The following ARFGEF1 variants were observed in gnomAD, a reference collection of about 807,000 sequenced individuals.
The protein encoded by ARFGEF1 is ARF guanine nucleotide exchange factor 1.
A neutral mutation model predicts 231.0 loss-of-function variants in ARFGEF1; 42 were observed. The observed-to-expected ratio is 0.18, with a 90% CI of 0.14 to 0.24. The LOEUF is 0.24. ARFGEF1 is among the 10% of genes least tolerant of loss of function. The pLI is 1.00. For synonymous variants in ARFGEF1, 710 were observed against 732.3 expected (o/e 0.97, Z 0.49); for missense variants, 1,345 against 2,192.0 (o/e 0.61, Z 7.72).
intron 22 of ARFGEF1, among the ~76,000 whole-genome samples, chr8:67,237,962 T>C (rs1356520219): frequency 6.6e-6 from 1 of 152,222 alleles, no homozygotes. Flanking sequence ...AGAGGTTTCA[T>C]ACTGGCAGAA....
chr8:67,281,258 G>A (rs1805523364), intron 7 of ARFGEF1, among the ~76,000 whole-genome samples: 1 of 152,074 alleles, frequency 6.6e-6, no homozygotes, highest in African/African-American at 2.4e-5. Flanking sequence ...TGTATAGTGT[G>A]AGATGTGGAA....
At chr8:67,175,357 C>T (rs1249433817), downstream of ARFGEF1, 2 of 1,613,812 alleles carry the variant, frequency 1.2e-6, no homozygotes, top group African/African-American at 1.3e-5. Flanking sequence ...ATCATCACAC[C>T]TTAGAGATTC....
chr8:67,333,261 C>T (rs1808186966), intron 1 of ARFGEF1, among the ~76,000 whole-genome samples: 1 of 151,740 alleles, frequency 6.6e-6, no homozygotes, highest in South Asian at 2.1e-4. Context: ...TCTCGATCTC[C>T]TGACCTTGTG....
Position 67,197,817 on chromosome 8 carries a change from T to A in ARFGEF1, c.*1117A>T. On this transcript the variant is annotated 3_prime_UTR_variant, in exon 39 of 39. Coordinates refer to ENST00000262215, the MANE Select transcript of ARFGEF1 (RefSeq NM_006421.5). ...ATACATTTTGTCCATCTGAAAAAAT[T>A]TTCTACATCCACTGTTAATACGGAA... 1 of 985,882 alleles carries A rather than the reference T, an allele frequency of 1.0e-6. No homozygotes were observed. Among genetic ancestry groups the A allele is most frequent in the Non-Finnish European group, 1.2e-6 (1 of 829,940 alleles). The allele number at this position is 985,882 out of a possible 1,614,324, so 61.1% of individuals were successfully genotyped here.
downstream of ARFGEF1, chr8:67,175,484 TC>T: frequency 6.2e-7 from 1 of 1,605,876 alleles, no homozygotes; most frequent in Non-Finnish European, 8.5e-7. Context: ...ACGCTGTTTT[TC>T]CGTAGGCTTT....
At position 67,266,072 on chromosome 8, in the gene ARFGEF1, G is replaced by A. The variant is rs1804837862; in HGVS notation, c.2057C>T (p.Thr686Ile). Residue 686 changes from threonine (T) to isoleucine (I), a missense_variant, in exon 14 of 39, where the codon ACT (threonine) becomes ATT (isoleucine). Physicochemically the swap from Thr to Ile is moderately conservative, Grantham distance 89. This residue lies in a region of ARFGEF1 where 105 missense variants were observed against 159.3 expected (regional missense o/e 0.66). Coordinates refer to ENST00000262215, the MANE Select transcript of ARFGEF1 (RefSeq NM_006421.5). Reference sequence around the variant, plus strand: ...GACCTCAAATTGTTCTGGATTATCAGTGCCAGACATCTGTGTACTGTAGCT... The same window carrying A: ...GACCTCAAATTGTTCTGGATTATCAATGCCAGACATCTGTGTACTGTAGCT... ...IGSYSTQMSG[T>I]DNPEQFEVLK... 6.2e-6 allele frequency: 10 copies of A among 1,613,818 alleles called. No individual in the cohort carries two copies. Among genetic ancestry groups the A allele is most frequent in the Non-Finnish European group, 8.5e-6 (10 of 1,179,866 alleles).
Position 67,296,532 on chromosome 8 carries a change from T to C in ARFGEF1, c.538A>G (p.Asn180Asp). The change falls in exon 5 of 39, where the codon AAT (asparagine) becomes GAT (aspartate). Residue 180 changes from asparagine (N) to aspartate (D), a missense_variant. By Grantham distance (23) the Asn-to-Asp change is conservative (BLOSUM62 1). Coordinates refer to ENST00000262215, the MANE Select transcript of ARFGEF1 (RefSeq NM_006421.5). Reference sequence around the variant, plus strand: ...AGATTTTTGCTTGCTAAGTAGATATTGTAACATGTTCTCACAGCTTGCAGT... The same window carrying C: ...AGATTTTTGCTTGCTAAGTAGATATCGTAACATGTTCTCACAGCTTGCAGT... ...TVLQAVRTCY[N>D]IYLASKNLIN... 1 of 1,614,066 alleles carries C rather than the reference T, an allele frequency of 6.2e-7. No individual in the cohort carries two copies. The highest frequency in any genetic ancestry group is 8.5e-7 in the Non-Finnish European group (1 of 1,179,972).
At chr8:67,244,253 A>AC (rs1840026500) in intron 19 of ARFGEF1, among the ~76,000 whole-genome samples, 2 of 26,378 alleles carry the variant, frequency 7.6e-5, no homozygotes, top group Non-Finnish European at 1.3e-4. Context: ...AAAAAAAAAA[A>AC]AAAAAAAAAA....
intron 8 of ARFGEF1, among the ~76,000 whole-genome samples, chr8:67,277,073 T>G (rs910814226): frequency 6.6e-6 from 1 of 152,004 alleles, no homozygotes; most frequent in African/African-American, 2.4e-5. Context: ...TACCTTAAAG[T>G]TGGAAATGTA....
At chr8:67,258,838 C>CACACACACACACAT (rs1041455909) in intron 15 of ARFGEF1, among the ~76,000 whole-genome samples, 3 of 151,896 alleles carry the variant, frequency 2.0e-5, no homozygotes, top group African/African-American at 7.3e-5. Flanking sequence ...CACACACACA[C>CACACACACACACAT]ACACACACAC....
intron 1 of ARFGEF1, among the ~76,000 whole-genome samples, chr8:67,328,447 CAGA>C (rs1807941916): frequency 6.8e-6 from 1 of 148,148 alleles, no homozygotes; most frequent in African/African-American, 2.5e-5. Context: ...TTTTTTAGTG[CAGA>C]AGTTTTCTCC....
chr8:67,177,125 A>G (rs1389329389), intron 5 of ARFGEF1, among the ~76,000 whole-genome samples: 2 of 151,844 alleles, frequency 1.3e-5, no homozygotes, highest in African/African-American at 4.8e-5. Context: ...AATCACAAAC[A>G]TGTCTATTAA....
chr8:67,343,301 G>T lies in ARFGEF1; in HGVS notation c.-14C>A. The stretch of plus-strand genomic sequence containing the variant: ...CCCCTCATACATGGACGCAGAGAAG[G>T]AGGCGGCGGCTCGTCCGACCCGCGG... On this transcript the variant is annotated 5_prime_UTR_variant, in exon 1 of 39. Coordinates refer to ENST00000262215, the MANE Select transcript of ARFGEF1 (RefSeq NM_006421.5). The T allele has an allele frequency of 1.2e-6, 2 of 1,611,996 alleles. No individual in the cohort carries two copies. Among genetic ancestry groups the T allele is most frequent in the African/African-American group, 1.3e-5 (1 of 75,004 alleles).
intron 5 of ARFGEF1, among the ~76,000 whole-genome samples, chr8:67,189,390 A>G (rs1007847741): frequency 6.6e-6 from 1 of 152,236 alleles, no homozygotes; most frequent in Non-Finnish European, 1.5e-5. Flanking sequence ...GTGAATGGAT[A>G]AAGTGTGGTA....
intron 18 of ARFGEF1, among the ~76,000 whole-genome samples, chr8:67,251,956 G>A (rs1587137301): frequency 1.3e-5 from 2 of 152,236 alleles, no homozygotes; most frequent in Admixed American, 6.5e-5. Flanking sequence ...AATGGGAGAA[G>A]AGCAGAAGAG....
Position 67,287,251 on chromosome 8 carries a change from G to A in ARFGEF1, c.1027+704C>T, listed in dbSNP as rs554754654. Among the ~76,000 whole-genome samples the A allele has an allele frequency of 1.4e-4, 21 of 152,236 alleles. 1 individual carries two copies. The highest frequency in any genetic ancestry group is 3.9e-4 in the Admixed American group (6 of 15,308). On this transcript the variant is annotated intron_variant, in intron 7 of 38. Coordinates refer to ENST00000262215, the MANE Select transcript of ARFGEF1 (RefSeq NM_006421.5). ...TTCCTTCTGGTATCCTGGAATTTTC[G>A]TACATGGTAGGTGCCTACATAACAG...
intron 1 of ARFGEF1, among the ~76,000 whole-genome samples, chr8:67,328,115 T>C (rs921678380): frequency 1.3e-5 from 2 of 152,010 alleles, no homozygotes; most frequent in Non-Finnish European, 2.9e-5. Flanking sequence ...AGATAAGACA[T>C]TTTTTTAAAA....
chr8:67,264,533 T>G (rs1804768790), intron 14 of ARFGEF1, among the ~76,000 whole-genome samples: 1 of 152,002 alleles, frequency 6.6e-6, no homozygotes, highest in African/African-American at 2.4e-5. Context: ...GGAAAAGGGC[T>G]GAGGAACAGA....
At chr8:67,217,080 G>A (rs572581502) in intron 32 of ARFGEF1, among the ~76,000 whole-genome samples, 3 of 151,722 alleles carry the variant, frequency 2.0e-5, no homozygotes, top group Admixed American at 6.6e-5. Flanking sequence ...CAAGGTGGGC[G>A]GATCACCCGA....
Sources: gnomAD v4.1 joint callset for allele counts (sites outside exome capture counted in the v4.1 genomes callset) on GRCh38, gnomAD v4.1.1 for gene constraint, gnomAD v4.1.1 regional missense constraint, MANE v1.5 for transcripts, NCBI Gene and HGNC (gene_info 2026-07-23, HGNC 2026-07-21) for gene names.